The following CSMD3 variants were observed in gnomAD, a reference collection of about 807,000 sequenced individuals.
The protein encoded by CSMD3 is CUB and Sushi multiple domains 3.
A neutral mutation model predicts 435.2 loss-of-function variants in CSMD3; 177 were observed. The observed-to-expected ratio is 0.41, with a 90% CI of 0.36 to 0.46. The LOEUF is 0.46. Among genes scored for constraint, CSMD3 ranks in the 20% least tolerant of loss-of-function variants. CSMD3 has a pLI of 0.34. For synonymous variants in CSMD3, 1,656 were observed against 1,520.5 expected, an observed-to-expected ratio of 1.09 and a Z score of -2.07; for missense variants, 4,265 against 4,504.6, an observed-to-expected ratio of 0.95 and a Z score of 1.52.
chr8:112,752,001 T>C lies in CSMD3; in HGVS notation c.1972+48161A>G, dbSNP rs940491061. On this transcript the variant is annotated intron_variant, in intron 13 of 70. Transcript: ENST00000297405. ...TCTCCCACATCATGTTTCCAATTTT[T>C]CCTCTTCCATTCGCCCTTAAAACCA... 3.5e-4 allele frequency among the ~76,000 whole-genome samples: 54 copies of C among 152,188 alleles called. No homozygotes were observed. The Middle Eastern group carries it at 0.01, about 29-fold the overall frequency.
chr8:112,555,595 G>A (rs1287114131), intron 25 of CSMD3, among the ~76,000 whole-genome samples: 5 of 151,992 alleles, frequency 3.3e-5, no homozygotes, highest in African/African-American at 1.2e-4. Context: ...AGTAAGAACT[G>A]TGATTGCATT....
intron 1 of CSMD3, among the ~76,000 whole-genome samples, chr8:113,396,625 T>G (rs1454479628): frequency 6.6e-6 from 1 of 152,160 alleles, no homozygotes; most frequent in Non-Finnish European, 1.5e-5. Flanking sequence ...GCTAAGATAT[T>G]GTATGTCTTT....
At chr8:112,451,295 A>T (rs1326950995) in intron 32 of CSMD3, among the ~76,000 whole-genome samples, 1 of 152,144 alleles carries the variant, frequency 6.6e-6, no homozygotes, top group Non-Finnish European at 1.5e-5. Flanking sequence ...TTTAGAACAC[A>T]CATAAAAATA....
intron 5 of CSMD3, among the ~76,000 whole-genome samples, chr8:113,075,065 T>A (rs1406737727): frequency 6.6e-6 from 1 of 151,802 alleles, no homozygotes; most frequent in Admixed American, 6.6e-5. Context: ...GGCTAAATGG[T>A]TGGTGCTGTA....
intron 28 of CSMD3, among the ~76,000 whole-genome samples, chr8:112,515,786 G>A (rs1396487923): frequency 6.6e-6 from 1 of 151,890 alleles, no homozygotes; most frequent in African/African-American, 2.4e-5. Context: ...GCCTTTTTAT[G>A]TTGTTTGGTG....
chr8:112,305,819 G>A (rs1821366239), intron 51 of CSMD3, among the ~76,000 whole-genome samples, 188 bp downstream of exon 51: 1 of 152,080 alleles, frequency 6.6e-6, no homozygotes, highest in Non-Finnish European at 1.5e-5. Flanking sequence ...TTTCAAAAAT[G>A]ATGGAAAAGA....
rs183919995 is a variant in CSMD3 at position 113,074,595 on chromosome 8, T to A, written c.917+24161A>T. Reference sequence around the variant, plus strand: ...TATCATATAATCTTACTTGCTATAGTTAGTTAGAATATTTGCTAGACCACA... The same window carrying A: ...TATCATATAATCTTACTTGCTATAGATAGTTAGAATATTTGCTAGACCACA... On this transcript the variant is annotated intron_variant, in intron 5 of 70. Coordinates refer to ENST00000297405, the MANE Select transcript of CSMD3 (RefSeq NM_198123.2). 2.4e-3 allele frequency among the ~76,000 whole-genome samples: 365 copies of A among 151,962 alleles called. 5 individuals carry two copies. Among genetic ancestry groups the A allele is most frequent in the Non-Finnish European group, 7.2e-4 (49 of 67,808 alleles).
chr8:112,814,754 C>G (rs991366616), intron 12 of CSMD3, among the ~76,000 whole-genome samples: 1 of 151,678 alleles, frequency 6.6e-6, no homozygotes, highest in Non-Finnish European at 1.5e-5. Context: ...TGCATTCCAG[C>G]CTGGGCAACA....
At chr8:113,374,120 T>C (rs1301564823) in intron 1 of CSMD3, among the ~76,000 whole-genome samples, 3 of 152,158 alleles carry the variant, frequency 2.0e-5, no homozygotes, top group East Asian at 1.9e-4. Context: ...TCTATCCATA[T>C]TTACATTATA....
At chr8:112,684,493 T>C (rs2075969547) in intron 15 of CSMD3, among the ~76,000 whole-genome samples, 1 of 152,056 alleles carries the variant, frequency 6.6e-6, no homozygotes, top group Non-Finnish European at 1.5e-5. Context: ...ACTTAAATAT[T>C]AACTCATCCA....
intron 38 of CSMD3, among the ~76,000 whole-genome samples, chr8:112,367,279 T>C (rs1827871825): frequency 6.6e-6 from 1 of 152,144 alleles, no homozygotes; most frequent in Non-Finnish European, 1.5e-5. Context: ...TCATTAGAAA[T>C]TAGGAAATAC....
At chr8:112,708,485 C>A (rs2076544063) in intron 13 of CSMD3, among the ~76,000 whole-genome samples, 1 of 151,446 alleles carries the variant, frequency 6.6e-6, no homozygotes, top group African/African-American at 2.4e-5. Context: ...TAAAGGAGCA[C>A]AAAATAAAGG....
intron 9 of CSMD3, among the ~76,000 whole-genome samples, chr8:112,928,320 A>G (rs947318036): frequency 6.6e-6 from 1 of 152,208 alleles, no homozygotes; most frequent in African/African-American, 2.4e-5. Context: ...CAAATGTCAC[A>G]GAAAAAGTTA....
rs528456949 is a variant in CSMD3 at position 113,059,736 on chromosome 8, T to G, written c.917+39020A>C. Among the ~76,000 whole-genome samples, 10 of 152,200 alleles carry G rather than the reference T, an allele frequency of 6.6e-5. No homozygotes were observed. The East Asian group carries it at 1.9e-3, about 29-fold the overall frequency. On this transcript the variant is annotated intron_variant, in intron 5 of 70. Coordinates refer to ENST00000297405, the MANE Select transcript of CSMD3 (RefSeq NM_198123.2). ...AGATATCAGCTATTTCTAAGAAAGT[T>G]TGATCTATTGGGAACAAAGAAAGGA...
At chr8:112,803,615 ATAGTCT>A (rs1169979804) in intron 12 of CSMD3, among the ~76,000 whole-genome samples, 3 of 152,166 alleles carry the variant, frequency 2.0e-5, no homozygotes, top group African/African-American at 2.4e-5. Flanking sequence ...TGGAAAAAAA[ATAGTCT>A]TAGTCTAATA....
intron 4 of CSMD3, among the ~76,000 whole-genome samples, chr8:113,143,629 C>A (rs1052749377): frequency 6.6e-6 from 1 of 151,158 alleles, no homozygotes; most frequent in African/African-American, 2.4e-5. Context: ...TGAAAAAGAC[C>A]GAACTATTGA....
chr8:112,821,067 G>A (rs1488945994), intron 12 of CSMD3, among the ~76,000 whole-genome samples: 1 of 152,108 alleles, frequency 6.6e-6, no homozygotes, highest in African/African-American at 2.4e-5. Context: ...TGGGCATTTG[G>A]GTTGGTTCTG....
intron 35 of CSMD3, among the ~76,000 whole-genome samples, chr8:112,401,300 C>T (rs1433040764): frequency 1.3e-5 from 2 of 152,000 alleles, no homozygotes; most frequent in South Asian, 2.1e-4. Context: ...TTTCTTCACT[C>T]ACTTCTCTTC....
chr8:113,002,792 A>G (rs1050091283), intron 6 of CSMD3, among the ~76,000 whole-genome samples: 10 of 152,128 alleles, frequency 6.6e-5, no homozygotes, highest in Non-Finnish European at 1.3e-4. Flanking sequence ...ACTAAGGATC[A>G]TGTTTTTATC....
Sources: gnomAD v4.1 joint callset for allele counts (sites outside exome capture counted in the v4.1 genomes callset) on GRCh38, gnomAD v4.1.1 for gene constraint, MANE v1.5 for transcripts, NCBI Gene and HGNC (gene_info 2026-07-23, HGNC 2026-07-21) for gene names.